The following USP15 variants were observed in gnomAD, a reference collection of about 807,000 sequenced individuals.
The protein encoded by USP15 is ubiquitin specific peptidase 15.
Under a neutral mutation model 127.1 loss-of-function variants are expected in USP15, and 18 were observed. The observed-to-expected ratio is 0.14, with a 90% CI of 0.10 to 0.21. USP15 has a LOEUF of 0.21. Among genes scored for constraint, USP15 ranks in the 10% least tolerant of loss-of-function variants. The probability of loss-of-function intolerance (pLI) is 1.00; values close to 1 mark genes in which losing one functional copy is unlikely to be tolerated. For synonymous variants in USP15, 364 were observed against 393.7 expected, an observed-to-expected ratio of 0.92 and a Z score of 0.89; for missense variants, 805 against 1,159.9, an observed-to-expected ratio of 0.69 and a Z score of 4.44.
At chr12:62,399,561 A>G (rs1418116171) in intron 20 of USP15, among the ~76,000 whole-genome samples, 1 of 152,160 alleles carries the variant, frequency 6.6e-6, no homozygotes, top group East Asian at 1.9e-4. Context: ...ATTCTGTCGC[A>G]TTCTTCAGCC....
rs760706193 is a variant in USP15 at position 62,412,473 on chromosome 12, C to G, written c.*8098C>G. ...TGATACCCACAGTAGAACTTCTTTC[C>G]GAACTTCTTTCACAATTGGAGTTAA... is the stretch of plus-strand genomic sequence containing the variant. On this transcript the variant is annotated 3_prime_UTR_variant, in exon 22 of 22. Coordinates refer to ENST00000280377, the MANE Select transcript of USP15 (RefSeq NM_001252078.2). The G allele has an allele frequency of 2.0e-5, 3 of 152,770 alleles. No individual in the cohort carries two copies. Among genetic ancestry groups the G allele is most frequent in the Non-Finnish European group, 4.4e-5 (3 of 68,434 alleles). The allele number at this position is 152,770 out of a possible 1,614,324, so 9.5% of individuals were successfully genotyped here.
chr12:62,373,612 C>A (rs1223329389), intron 8 of USP15, among the ~76,000 whole-genome samples: 6 of 151,862 alleles, frequency 4.0e-5, no homozygotes, highest in Non-Finnish European at 8.8e-5. Flanking sequence ...TATGCTAGTT[C>A]TCTCTTCACT....
intron 1 of USP15, among the ~76,000 whole-genome samples, chr12:62,270,163 T>C (rs946594373): frequency 5.3e-5 from 8 of 152,074 alleles, no homozygotes; most frequent in South Asian, 2.1e-4. Context: ...TATTGGCCAT[T>C]TGTATGTCTT....
chr12:62,326,137 A>G (rs749618698), intron 6 of USP15, among the ~76,000 whole-genome samples: 1 of 152,156 alleles, frequency 6.6e-6, no homozygotes, highest in Non-Finnish European at 1.5e-5. Flanking sequence ...CTCCAATTCA[A>G]ATATCTTAAG....
At chr12:62,280,455 G>C (rs534648996) in intron 1 of USP15, among the ~76,000 whole-genome samples, 4 of 152,280 alleles carry the variant, frequency 2.6e-5, no homozygotes, top group African/African-American at 9.6e-5. Flanking sequence ...AGTCCAAGAT[G>C]ACTAGGTACT....
chr12:62,345,326 CAA>C (rs57465855), intron 6 of USP15, among the ~76,000 whole-genome samples: 33,970 of 151,998 alleles, frequency 0.22, 4,100 homozygotes, highest in African/African-American at 0.33. Flanking sequence ...TAAAACATAA[CAA>C]GAGTCACCCT....
intron 12 of USP15, 35 bp downstream of exon 12, chr12:62,389,549 G>C: frequency 6.2e-7 from 1 of 1,611,264 alleles, no homozygotes; most frequent in Non-Finnish European, 8.5e-7. Flanking sequence ...ATATAAGTTG[G>C]TATTTAGTTT....
At chr12:62,294,129 G>T in intron 1 of USP15, 50 bp from the exon 2 acceptor site, 3 of 1,589,176 alleles carry the variant, frequency 1.9e-6, no homozygotes, top group Non-Finnish European at 2.6e-6. Flanking sequence ...CTGTTCTACT[G>T]TTCCTGTATT....
Position 62,345,727 on chromosome 12 carries a change from A to C in USP15, c.684-3494A>C, listed in dbSNP as rs558808690. 3.3e-4 allele frequency among the ~76,000 whole-genome samples: 50 copies of C among 152,160 alleles called. 1 individual carries two copies. In the South Asian group the frequency reaches 0.01, roughly 32 times the overall value. ...AGAAGAAAGAGGTTCATTGGACTTA[A>C]CAGTTCCACGTTTCTGGGGTGGGGG... is the stretch of plus-strand genomic sequence containing the variant. On this transcript the variant is annotated intron_variant, in intron 6 of 21. Transcript: ENST00000280377.
intron 8 of USP15, among the ~76,000 whole-genome samples, chr12:62,356,440 C>T (rs2066133518): frequency 6.6e-6 from 1 of 151,932 alleles, no homozygotes; most frequent in Admixed American, 6.6e-5. Context: ...CATCATCATT[C>T]ATACAGCTGT....
chr12:62,347,206 A>G (rs1565875556), intron 6 of USP15, among the ~76,000 whole-genome samples: 4 of 151,876 alleles, frequency 2.6e-5, no homozygotes, highest in Non-Finnish European at 4.4e-5. Flanking sequence ...AATTAATTCC[A>G]TGGTATTTCA....
At chr12:62,295,947 A>G (rs1455306872) in intron 2 of USP15, among the ~76,000 whole-genome samples, 2 of 152,274 alleles carry the variant, frequency 1.3e-5, no homozygotes, top group Non-Finnish European at 2.9e-5. Context: ...AAAAGAGACT[A>G]TCCTGGTGAA....
In USP15 at chr12:62,314,719, T is replaced by C. The variant is rs373085652; in HGVS notation, c.349-71T>C. 15 of 1,327,184 alleles carry C rather than the reference T, an allele frequency of 1.1e-5. No homozygotes were observed. The East Asian group carries it at 1.4e-4, about 12-fold the overall frequency. 82.2% of individuals were successfully genotyped at this position (1,327,184 alleles called of 1,614,324 possible). A position where few individuals can be genotyped will look rare whatever the true frequency, so the allele number is the denominator to read the frequency against. Reference sequence around the variant, plus strand: ...GATCTGCAGTTTTCTAAAGTCTCTTTAAATGTATTGTTATTAGAGTGAAAT... The same window carrying C: ...GATCTGCAGTTTTCTAAAGTCTCTTCAAATGTATTGTTATTAGAGTGAAAT... On this transcript the variant is annotated intron_variant, in intron 3 of 21. Transcript: ENST00000280377.
chr12:62,332,520 A>G (rs1338592161), intron 6 of USP15, among the ~76,000 whole-genome samples: 6 of 152,184 alleles, frequency 3.9e-5, no homozygotes, highest in Admixed American at 1.3e-4. Flanking sequence ...TGGAGTCATT[A>G]TAGAAACCTG....
chr12:62,346,266 A>T (rs950890331), intron 6 of USP15, among the ~76,000 whole-genome samples: 3 of 152,096 alleles, frequency 2.0e-5, no homozygotes, highest in Non-Finnish European at 4.4e-5. Flanking sequence ...ATAATTTTTT[A>T]TTTTTTTCAA....
chr12:62,296,660 C>T (rs2064138573), intron 2 of USP15, among the ~76,000 whole-genome samples: 1 of 152,204 alleles, frequency 6.6e-6, no homozygotes, highest in Non-Finnish European at 1.5e-5. Flanking sequence ...GGACCAGACT[C>T]TTTATGAGAA....
chr12:62,276,680 A>G (rs2063500135), intron 1 of USP15, among the ~76,000 whole-genome samples: 1 of 152,110 alleles, frequency 6.6e-6, no homozygotes, highest in East Asian at 1.9e-4. Context: ...TCAGAATCAC[A>G]TTTTGATAAA....
At chr12:62,387,350 A>G (rs1331505077) in intron 11 of USP15, among the ~76,000 whole-genome samples, 3 of 152,208 alleles carry the variant, frequency 2.0e-5, no homozygotes, top group African/African-American at 4.8e-5. Flanking sequence ...TTATACTAGG[A>G]TAGCAGGCTA....
rs1375646522 is a variant in USP15, at chr12:62,406,601, A to G, written c.*2226A>G. 2 of 152,146 alleles carry G rather than the reference A, an allele frequency of 1.3e-5. No homozygotes were observed. The highest frequency in any genetic ancestry group is 2.4e-5 in the African/African-American group (1 of 41,426). 9.4% of individuals were successfully genotyped at this position (152,146 alleles called of 1,614,324 possible). A position where few individuals can be genotyped will look rare whatever the true frequency, so the allele number is the denominator to read the frequency against. On this transcript the variant is annotated 3_prime_UTR_variant, in exon 22 of 22. Coordinates refer to ENST00000280377, the MANE Select transcript of USP15 (RefSeq NM_001252078.2). ...ATTGAAACTGCCAAACTCAAATGTC[A>G]TTTTTCAGCTGCAAGAAGTATACTT...
Sources: gnomAD v4.1 joint callset for allele counts (sites outside exome capture counted in the v4.1 genomes callset) on GRCh38, gnomAD v4.1.1 for gene constraint, MANE v1.5 for transcripts, NCBI Gene and HGNC (gene_info 2026-07-23, HGNC 2026-07-21) for gene names.